The following ADAMTS20 variants were observed in gnomAD, a reference collection of about 807,000 sequenced individuals.
ADAMTS20 encodes ADAM metallopeptidase with thrombospondin type 1 motif 20.
Under a neutral mutation model 260.1 loss-of-function variants are expected in ADAMTS20, and 225 were observed. The ratio of observed to expected loss-of-function variants is 0.87; its 90% confidence interval spans 0.78 to 0.97. The LOEUF is 0.97. Ranked by LOEUF, ADAMTS20 falls within the 50% of genes least tolerant of loss-of-function variation. ADAMTS20 has a pLI of 0.00. For synonymous variants in ADAMTS20, 802 were observed against 769.5 expected (o/e 1.04, Z -0.70); for missense variants, 2,400 against 2,337.7 (o/e 1.03, Z -0.55).
At chr12:43,388,491 G>A (rs1940531592) in intron 29 of ADAMTS20, among the ~76,000 whole-genome samples, 1 of 152,224 alleles carries the variant, frequency 6.6e-6, no homozygotes, top group South Asian at 2.1e-4. Context: ...CTGATTTGTT[G>A]ATTCATGATT....
At chr12:43,437,113 A>T (rs1409039759) in intron 18 of ADAMTS20, among the ~76,000 whole-genome samples, 1 of 152,126 alleles carries the variant, frequency 6.6e-6, no homozygotes, top group Non-Finnish European at 1.5e-5. Flanking sequence ...AACAAAATAG[A>T]CCTAGGAGGA....
intron 28 of ADAMTS20, among the ~76,000 whole-genome samples, chr12:43,401,037 G>A (rs1367807165): frequency 2.0e-5 from 3 of 151,020 alleles, no homozygotes; most frequent in Non-Finnish European, 4.4e-5. Flanking sequence ...TCTTAATATT[G>A]CACTCAATGA....
chr12:43,432,786 A>C lies in ADAMTS20; in HGVS notation c.2746T>G (p.Cys916Gly). 1 of 1,613,916 alleles carries C rather than the reference A, an allele frequency of 6.2e-7. No homozygotes were observed. The highest frequency in any genetic ancestry group is 8.5e-7 in the Non-Finnish European group (1 of 1,179,812). Residue 916 changes from cysteine (C) to glycine (G), a missense_variant, in exon 20 of 39, where the codon TGT becomes GGT. By Grantham distance (159) the Cys-to-Gly change is radical (BLOSUM62 -3). Coordinates refer to ENST00000389420, the MANE Select transcript of ADAMTS20 (RefSeq NM_025003.5). ...LRWHVIGKSECSSQCGQGYRT... is the reference protein window; with the variant it reads ...LRWHVIGKSEGSSQCGQGYRT... Reference sequence around the variant, plus strand: ...TATCCTTGACCACATTGGGATGAACATTCACTTTTGCCAATAACATGCCAC... The same window carrying C: ...TATCCTTGACCACATTGGGATGAACCTTCACTTTTGCCAATAACATGCCAC...
In ADAMTS20 at chr12:43,490,509, GC is replaced by G. The variant is rs577913125; in HGVS notation, c.1077-75del. ...AACAAGCCAAAATAAAAATAAAGAA[GC>G]TTTAACTATGACATGACTACTACCA... On this transcript the variant is annotated intron_variant, in intron 6 of 38. Transcript: ENST00000389420. 1.0e-4 allele frequency: 76 copies of G among 750,692 alleles called. 1 individual carries two copies. The African/African-American group carries it at 1.3e-3, about 13-fold the overall frequency. 46.5% of individuals were successfully genotyped at this position (750,692 alleles called of 1,614,324 possible). A position where few individuals can be genotyped will look rare whatever the true frequency, so the allele number is the denominator to read the frequency against.
At chr12:43,356,454 A>C in intron 38 of ADAMTS20, 30 bp downstream of exon 38, 1 of 1,460,952 alleles carries the variant, frequency 6.8e-7, no homozygotes, top group Non-Finnish European at 9.4e-7. Flanking sequence ...GAAGTATTTC[A>C]AACAGGCTTT....
chr12:43,389,576 T>G (rs1448259908), intron 29 of ADAMTS20, among the ~76,000 whole-genome samples: 2 of 152,180 alleles, frequency 1.3e-5, no homozygotes, highest in African/African-American at 2.4e-5. Context: ...GATTGTAGTT[T>G]GGTGCCTATG....
chr12:43,432,852 T>C (rs1456383133), intron 19 of ADAMTS20, 41 bp from the exon 20 acceptor site: 2 of 1,508,428 alleles, frequency 1.3e-6, no homozygotes, highest in Non-Finnish European at 1.8e-6. Flanking sequence ...GTATATTACA[T>C]AATTTAAAAA....
At chr12:43,449,612 G>C (rs1397343577) in intron 14 of ADAMTS20, among the ~76,000 whole-genome samples, 3 of 151,888 alleles carry the variant, frequency 2.0e-5, no homozygotes, top group Non-Finnish European at 4.4e-5. Flanking sequence ...TAAAAAACTT[G>C]CATATATACC....
At position 43,376,320 on chromosome 12, in the gene ADAMTS20, A is replaced by G. The variant is rs764545255; in HGVS notation, c.5136T>C (p.Phe1712=). The G allele has an allele frequency of 6.4e-7, 1 of 1,551,402 alleles. No individual in the cohort carries two copies. Among genetic ancestry groups the G allele is most frequent in the South Asian group, 1.2e-5 (1 of 83,978 alleles). The part of the protein sequence containing the change: ...KKCYANDCKS[F]TTCKEIQVKN... Reference sequence around the variant, plus strand: ...TCACTTGAATTTCTTTGCAGGTGGTAAATGATTTACCTTCAAAGACAAATT... The same window carrying G: ...TCACTTGAATTTCTTTGCAGGTGGTGAATGATTTACCTTCAAAGACAAATT... Residue 1712 remains phenylalanine (F), a synonymous_variant, in exon 34 of 39, where the codon TTT becomes TTC. Transcript: ENST00000389420.
Position 43,492,612 on chromosome 12 carries a change from A to G in ADAMTS20, c.969T>C (p.Asn323=), listed in dbSNP as rs1401535073. 1.9e-6 allele frequency: 3 copies of G among 1,613,732 alleles called. No homozygotes were observed. The highest frequency in any genetic ancestry group is 1.7e-5 in the Admixed American group (1 of 59,988). ...IHREEEGPVI[N]FDGATTLKNF... ...TCTTTAATGTGGTAGCACCATCAAA[A>G]TTAATGACTGGTCCTTCCTATGCAA... The change falls in exon 6 of 39, where the codon AAT becomes AAC. Residue 323 remains asparagine (N), a synonymous_variant. Coordinates refer to ENST00000389420, the MANE Select transcript of ADAMTS20 (RefSeq NM_025003.5).
chr12:43,493,388 A>G (rs1942634494), intron 4 of ADAMTS20, 135 bp from the exon 5 acceptor site: 1 of 636,148 alleles, frequency 1.6e-6, no homozygotes, highest in South Asian at 2.0e-5. Flanking sequence ...AGAGTGCTTT[A>G]ACAAATCCTC....
intron 7 of ADAMTS20, among the ~76,000 whole-genome samples, chr12:43,479,960 A>G (rs1418003807): frequency 6.6e-6 from 1 of 152,204 alleles, no homozygotes; most frequent in Non-Finnish European, 1.5e-5. Context: ...ATAAATTGAG[A>G]CACAACTAGA....
chr12:43,489,866 A>G (rs972966625), intron 7 of ADAMTS20, among the ~76,000 whole-genome samples: 1 of 152,062 alleles, frequency 6.6e-6, no homozygotes, highest in African/African-American at 2.4e-5. Context: ...TGACTACAGA[A>G]TTCAAAAATA....
Position 43,551,768 on chromosome 12 carries a change from G to C in ADAMTS20, c.91+63C>G. The C allele has an allele frequency of 3.3e-6, 5 of 1,534,886 alleles. No homozygotes were observed. Among genetic ancestry groups the C allele is most frequent in the Non-Finnish European group, 3.6e-6 (4 of 1,112,720 alleles). On this transcript the variant is annotated intron_variant, in intron 1 of 38. Coordinates refer to ENST00000389420, the MANE Select transcript of ADAMTS20 (RefSeq NM_025003.5). This position sits in a 1 kb window ranked among gnomAD's most constrained non-coding sequence, Gnocchi z 4.6. Reference sequence around the variant, plus strand: ...GCTGAGCCGCTCGTCCCCGCGACCTGCATGTCCCACTCGGGCCCCGCGCCC... The same window carrying C: ...GCTGAGCCGCTCGTCCCCGCGACCTCCATGTCCCACTCGGGCCCCGCGCCC...
At chr12:43,365,173 G>T (rs550018504) in intron 37 of ADAMTS20, among the ~76,000 whole-genome samples, 7 of 151,970 alleles carry the variant, frequency 4.6e-5, no homozygotes, top group African/African-American at 1.7e-4. Context: ...CATTCAGAAA[G>T]GAAGGCAAAA....
chr12:43,423,512 C>A, intron 28 of ADAMTS20: 2 of 540,604 alleles, frequency 3.7e-6, no homozygotes, highest in East Asian at 2.9e-5. Flanking sequence ...CATTACAATT[C>A]AATCTCATTA....
At chr12:43,432,528 T>C in intron 20 of ADAMTS20, 60 bp from the exon 21 acceptor site, 2 of 1,592,460 alleles carry the variant, frequency 1.3e-6, no homozygotes, top group Middle Eastern at 1.7e-4. Flanking sequence ...AACAAAATTA[T>C]ACTTCAGAGT....
At chr12:43,367,046 G>GAGTAA (rs1940001874) in intron 37 of ADAMTS20, among the ~76,000 whole-genome samples, 1 of 151,876 alleles carries the variant, frequency 6.6e-6, no homozygotes, top group Non-Finnish European at 1.5e-5. Context: ...TAAATAAAGA[G>GAGTAA]AGTAAATTGG....
At chr12:43,440,139 C>CAT in intron 16 of ADAMTS20, 70 bp from the exon 17 acceptor site, 1 of 556,140 alleles carries the variant, frequency 1.8e-6, no homozygotes, top group Non-Finnish European at 2.8e-6. Context: ...ACTTGTTTAA[C>CAT]TTTTTTTTTT....
Sources: gnomAD v4.1 joint callset for allele counts (sites outside exome capture counted in the v4.1 genomes callset) on GRCh38, gnomAD v4.1.1 for gene constraint, Gnocchi (gnomAD v3.1) non-coding constraint, MANE v1.5 for transcripts, NCBI Gene and HGNC (gene_info 2026-07-23, HGNC 2026-07-21) for gene names.